NREP: variants seen among roughly 807,000 people sequenced by gnomAD.
The protein encoded by NREP is neuronal regeneration related protein.
In NREP, 5 loss-of-function variants were observed where a neutral mutation model predicts 8.6. The observed-to-expected ratio is 0.58, with a 90% confidence interval of 0.30 to 1.22. NREP has a LOEUF of 1.22. Ranked by LOEUF, NREP falls within the 50% of genes most tolerant of loss-of-function variation. NREP has a pLI of 0.07. For synonymous variants in NREP, 27 were observed against 28.0 expected, an observed-to-expected ratio of 0.96 and a Z score of 0.11; for missense variants, 86 against 82.5, an observed-to-expected ratio of 1.04 and a Z score of -0.17.
At chr5:111,969,773 T>G (rs1316476442) in intron 2 of NREP, among the ~76,000 whole-genome samples, 1 of 152,224 alleles carries the variant, frequency 6.6e-6, no homozygotes, top group Non-Finnish European at 1.5e-5. Context: ...AGAGAGGAGA[T>G]TAGAATAAAT....
intron 2 of NREP, among the ~76,000 whole-genome samples, chr5:111,857,887 T>C (rs562870058): frequency 6.6e-6 from 1 of 151,394 alleles, no homozygotes; most frequent in South Asian, 2.1e-4. Context: ...ATAAAAGCAA[T>C]AGGAAGTGAC....
chr5:111,903,324 A>T (rs1754693968), intron 2 of NREP, among the ~76,000 whole-genome samples: 1 of 152,048 alleles, frequency 6.6e-6, no homozygotes, highest in Admixed American at 6.6e-5. Context: ...GCCTCAAGTG[A>T]TCTGCCTGCC....
chr5:111,827,898 G>C (rs1752666565), intron 2 of NREP, among the ~76,000 whole-genome samples: 1 of 152,100 alleles, frequency 6.6e-6, no homozygotes, highest in African/African-American at 2.4e-5. Flanking sequence ...GTACTCTCTG[G>C]AGATCCAAGA....
At chr5:111,915,425 A>T (rs1428414855) in intron 2 of NREP, among the ~76,000 whole-genome samples, 2 of 151,922 alleles carry the variant, frequency 1.3e-5, no homozygotes, top group Non-Finnish European at 2.9e-5. Flanking sequence ...GCTCACATTA[A>T]AAAAAAGGCT....
chr5:111,950,869 T>C (rs1240861863), intron 2 of NREP, among the ~76,000 whole-genome samples: 3 of 151,980 alleles, frequency 2.0e-5, no homozygotes, highest in East Asian at 1.9e-4. Context: ...GTCTAGGAAA[T>C]AGTATGAGTA....
chr5:111,973,801 T>C (rs756283917), intron 2 of NREP, among the ~76,000 whole-genome samples: 1 of 152,232 alleles, frequency 6.6e-6, no homozygotes, highest in Non-Finnish European at 1.5e-5. Context: ...TTTGAGTCCA[T>C]TTGTGTTCAG....
At chr5:111,901,929 T>C (rs1469227600) in intron 2 of NREP, among the ~76,000 whole-genome samples, 3 of 152,184 alleles carry the variant, frequency 2.0e-5, no homozygotes, top group African/African-American at 4.8e-5. Context: ...AAGACATTCC[T>C]TATAGAAACA....
At chr5:111,885,076 C>A (rs2112523014) in intron 2 of NREP, among the ~76,000 whole-genome samples, 1 of 152,190 alleles carries the variant, frequency 6.6e-6, no homozygotes, top group Non-Finnish European at 1.5e-5. Flanking sequence ...CTAGAAAACC[C>A]CATTGTCTCA....
chr5:111,976,822 AGGACACAGCTCTGCAGCC>A (rs1561380402), exon 1 of NREP: 1 of 1,086,862 alleles, frequency 9.2e-7, no homozygotes, highest in Non-Finnish European at 1.4e-6. Flanking sequence ...CAGACAGCTC[AGGACACAGCTCTGCAGCC>A]CATTCTGATT....
chr5:111,881,816 C>T (rs1754082206), intron 2 of NREP, among the ~76,000 whole-genome samples: 1 of 152,072 alleles, frequency 6.6e-6, no homozygotes, highest in Non-Finnish European at 1.5e-5. Context: ...ACATCCACAC[C>T]AAAAACCCAT....
At position 111,914,773 on chromosome 5, in the gene NREP, G is replaced by C. The variant is rs999978116; in HGVS notation, c.135+60501C>G. Among the ~76,000 whole-genome samples, 3 of 152,002 alleles carry C rather than the reference G, an allele frequency of 2.0e-5. No homozygotes were observed. In the South Asian group the frequency reaches 6.2e-4, roughly 32 times the overall value. The stretch of plus-strand genomic sequence containing the variant: ...TGAAGTTCCACAAAATGGAGTTTTT[G>C]GCCTCTCTCCACTTAAAGAATACAC... On this transcript the variant is annotated intron_variant, in intron 2 of 3. Coordinates refer to the NREP transcript ENST00000395634.
chr5:111,745,347 C>G (rs1302117989), intron 2 of NREP, among the ~76,000 whole-genome samples: 1 of 152,188 alleles, frequency 6.6e-6, no homozygotes, highest in East Asian at 1.9e-4. Flanking sequence ...AGAGTAACAA[C>G]TTTGGCTTGG....
intron 2 of NREP, among the ~76,000 whole-genome samples, chr5:111,927,945 G>A (rs1462518248): frequency 1.3e-5 from 2 of 152,100 alleles, no homozygotes; most frequent in Admixed American, 1.3e-4. Context: ...CAATAGGATG[G>A]ACTGTGAAAA....
At chr5:111,878,900 A>G (rs1460695657) in intron 2 of NREP, among the ~76,000 whole-genome samples, 1 of 152,202 alleles carries the variant, frequency 6.6e-6, no homozygotes, top group Admixed American at 6.5e-5. Context: ...TTACTCATTC[A>G]GCGAATACTC....
chr5:111,809,029 C>T (rs943960395), intron 2 of NREP, among the ~76,000 whole-genome samples: 5 of 152,166 alleles, frequency 3.3e-5, no homozygotes, highest in African/African-American at 9.7e-5. Flanking sequence ...TCCAGGTTGG[C>T]CTTTCTTAAA....
chr5:111,975,182 C>T, intron 2 of NREP: 2 of 825,524 alleles, frequency 2.4e-6, no homozygotes, highest in Non-Finnish European at 4.0e-6. Flanking sequence ...AATGACTGCA[C>T]CAGTTCAGGA....
chr5:111,811,786 T>A (rs1349751438), intron 2 of NREP, among the ~76,000 whole-genome samples: 1 of 152,128 alleles, frequency 6.6e-6, no homozygotes, highest in Non-Finnish European at 1.5e-5. Flanking sequence ...TCACAAAGGG[T>A]TTTTTTCTAT....
chr5:111,809,554 G>C (rs1265379248), intron 2 of NREP, among the ~76,000 whole-genome samples: 1 of 152,106 alleles, frequency 6.6e-6, no homozygotes, highest in Non-Finnish European at 1.5e-5. Flanking sequence ...TGTGAGAATG[G>C]ATCAGTTTCT....
intron 2 of NREP, among the ~76,000 whole-genome samples, chr5:111,737,216 G>T (rs574377981): frequency 1.3e-5 from 2 of 152,140 alleles, no homozygotes; most frequent in Non-Finnish European, 2.9e-5. Context: ...CCAGGAATGG[G>T]TGAAGAAAAC....
Sources: gnomAD v4.1 joint callset for allele counts (sites outside exome capture counted in the v4.1 genomes callset) on GRCh38, gnomAD v4.1.1 for gene constraint, MANE v1.5 for transcripts, NCBI Gene and HGNC (gene_info 2026-07-23, HGNC 2026-07-21) for gene names.